The following UBE3D variants were observed in gnomAD, a reference collection of about 807,000 sequenced individuals.
UBE3D encodes the protein ubiquitin protein ligase E3D.
In UBE3D, 48 loss-of-function variants were observed where a neutral mutation model predicts 49.6. That is an observed-to-expected ratio of 0.97 (90% CI 0.77 to 1.23). The LOEUF is 1.23. Among genes scored for constraint, UBE3D ranks in the 50% most tolerant of loss-of-function variants. The pLI is 0.00. For missense variants in UBE3D, 452 were observed against 468.4 expected (o/e 0.96, Z 0.32); for synonymous variants, 189 against 174.2 (o/e 1.08, Z -0.67).
intron 8 of UBE3D, among the ~76,000 whole-genome samples, chr6:82,989,396 T>C (rs1336484438): frequency 6.6e-6 from 1 of 151,944 alleles, no homozygotes; most frequent in Non-Finnish European, 1.5e-5. Context: ...TATTCACCCA[T>C]CAGTTAGAAA....
chr6:82,951,245 T>C (rs746754862), intron 9 of UBE3D, among the ~76,000 whole-genome samples: 3 of 152,006 alleles, frequency 2.0e-5, no homozygotes. Flanking sequence ...TATGTACCCA[T>C]AAAAATTAAG....
In UBE3D at chr6:82,948,911, TATC is replaced by T. The variant is rs533072755; in HGVS notation, c.1149+8398_1149+8400del. Among the ~76,000 whole-genome samples, 4 of 152,148 alleles carry T rather than the reference TATC, an allele frequency of 2.6e-5. No individual in the cohort carries two copies. The East Asian group carries it at 5.8e-4, about 22-fold the overall frequency. Reference sequence around the variant, plus strand: ...CCATATATGATAGACCCATAGCTAGTATCATACTGAATGGGGAAAAACTAAAAG... The same window carrying T: ...CCATATATGATAGACCCATAGCTAGTATACTGAATGGGGAAAAACTAAAAG... On this transcript the variant is annotated intron_variant, in intron 9 of 9. Coordinates refer to ENST00000369747, the MANE Select transcript of UBE3D (RefSeq NM_198920.3).
chr6:82,961,699 A>C (rs1776559976), intron 8 of UBE3D, among the ~76,000 whole-genome samples: 2 of 152,196 alleles, frequency 1.3e-5, no homozygotes, highest in African/African-American at 2.4e-5. Context: ...AATATAGTTG[A>C]GTATTTTGAT....
intron 5 of UBE3D, among the ~76,000 whole-genome samples, chr6:83,033,041 C>T (rs1251970955): frequency 6.6e-6 from 1 of 152,102 alleles, no homozygotes; most frequent in Non-Finnish European, 1.5e-5. Context: ...CATGGTTCTC[C>T]AGGCTGTACA....
chr6:82,977,521 A>G (rs993098364), intron 8 of UBE3D, among the ~76,000 whole-genome samples: 4 of 152,166 alleles, frequency 2.6e-5, no homozygotes, highest in Admixed American at 6.5e-5. Context: ...TCCTGATTTT[A>G]TAACACTTGC....
At chr6:82,998,615 T>C (rs529964655) in intron 8 of UBE3D, among the ~76,000 whole-genome samples, 267 of 152,312 alleles carry the variant, frequency 1.8e-3, no homozygotes, top group Non-Finnish European at 2.4e-3. Context: ...TTTAAGGGGA[T>C]CATTTCCCAT....
chr6:82,991,420 T>C (rs960078309), intron 8 of UBE3D, among the ~76,000 whole-genome samples: 9 of 152,276 alleles, frequency 5.9e-5, no homozygotes, highest in African/African-American at 1.7e-4. Context: ...AATTATTACA[T>C]AAATACCTGG....
chr6:82,936,413 C>T (rs1038535258), intron 9 of UBE3D, among the ~76,000 whole-genome samples: 12 of 151,910 alleles, frequency 7.9e-5, no homozygotes, highest in Non-Finnish European at 1.5e-4. Flanking sequence ...GATTTTCAAG[C>T]TGAAGTTAAA....
chr6:83,040,063 A>G (rs1782549862), intron 4 of UBE3D, among the ~76,000 whole-genome samples: 3 of 152,076 alleles, frequency 2.0e-5, no homozygotes, highest in Non-Finnish European at 4.4e-5. Context: ...GCATGAGTGT[A>G]TGTGTGTTAT....
At chr6:82,964,527 G>A (rs1776773545) in intron 8 of UBE3D, among the ~76,000 whole-genome samples, 1 of 152,136 alleles carries the variant, frequency 6.6e-6, no homozygotes, top group Non-Finnish European at 1.5e-5. Context: ...TTCAACCCTA[G>A]AAGAACCTAA....
intron 3 of UBE3D, among the ~76,000 whole-genome samples, chr6:83,046,999 C>T (rs920255998): frequency 6.6e-6 from 1 of 152,180 alleles, no homozygotes; most frequent in African/African-American, 2.4e-5. Flanking sequence ...ATATGTTTAC[C>T]TTGCCACTGT....
intron 9 of UBE3D, among the ~76,000 whole-genome samples, chr6:82,951,001 A>T (rs77512427): frequency 7.1e-5 from 10 of 140,984 alleles, no homozygotes; most frequent in African/African-American, 2.6e-4. Context: ...ACTAATGGAT[A>T]AAAAAAAAAA....
At chr6:82,894,208 C>T (rs1771144423) in intron 9 of UBE3D, among the ~76,000 whole-genome samples, 1 of 152,126 alleles carries the variant, frequency 6.6e-6, no homozygotes, top group South Asian at 2.1e-4. Context: ...CCAACCATTT[C>T]ATAGTCCCAG....
chr6:83,065,727 T>TA lies in UBE3D; in HGVS notation c.-10_-9insT, dbSNP rs1784456873. Reference sequence around the variant, plus strand: ...GCCGCAGAAGCCGCCATGGCAGGCTTCCAGTCCCAGACCGGACCAAGCTGG... The same window carrying TA: ...GCCGCAGAAGCCGCCATGGCAGGCTTACCAGTCCCAGACCGGACCAAGCTGG... On this transcript the variant is annotated 5_prime_UTR_variant, in exon 1 of 10. Transcript: ENST00000369747. 1 of 1,608,688 alleles carries TA rather than the reference T, an allele frequency of 6.2e-7. No individual in the cohort carries two copies. Among genetic ancestry groups the TA allele is most frequent in the African/African-American group, 1.3e-5 (1 of 74,612 alleles).
intron 5 of UBE3D, among the ~76,000 whole-genome samples, chr6:83,027,504 G>A (rs1781567647): frequency 7.3e-6 from 1 of 137,708 alleles, no homozygotes; most frequent in African/African-American, 2.7e-5. Context: ...CCTAGTTTGT[G>A]TTTGTCAGAA....
chr6:82,910,733 T>C (rs1772441638), intron 9 of UBE3D, among the ~76,000 whole-genome samples: 14 of 152,152 alleles, frequency 9.2e-5, no homozygotes, highest in Admixed American at 9.2e-4. Context: ...AGAATTAGAA[T>C]TAGGTGATAC....
At chr6:82,913,744 T>TAAAAC (rs1008045563) in intron 9 of UBE3D, among the ~76,000 whole-genome samples, 2 of 152,008 alleles carry the variant, frequency 1.3e-5, no homozygotes, top group Non-Finnish European at 2.9e-5. Flanking sequence ...CAAAACAAAA[T>TAAAAC]AAAACAAAAC....
chr6:82,945,431 A>G (rs1775329441), intron 9 of UBE3D, among the ~76,000 whole-genome samples: 1 of 152,222 alleles, frequency 6.6e-6, no homozygotes, highest in East Asian at 1.9e-4. Flanking sequence ...TGAGTCTCCA[A>G]GAATAACACA....
At chr6:82,955,251 A>T (rs1421175270) in intron 9 of UBE3D, among the ~76,000 whole-genome samples, 4 of 152,178 alleles carry the variant, frequency 2.6e-5, no homozygotes, top group Non-Finnish European at 5.9e-5. Context: ...TTTGGTTTAG[A>T]TTACTCTTTT....
Sources: allele counts gnomAD v4.1 joint callset (sites outside exome capture counted in the v4.1 genomes callset), GRCh38; gene constraint gnomAD v4.1.1; transcripts MANE v1.5; gene names NCBI Gene and HGNC (gene_info 2026-07-23, HGNC 2026-07-21).